SORBS3: variants seen among roughly 807,000 people sequenced by gnomAD.
SORBS3 encodes the protein sorbin and SH3 domain containing 3, also known as vinexin.
Under a neutral mutation model 98.0 loss-of-function variants are expected in SORBS3, and 69 were observed. The ratio of observed to expected loss-of-function variants is 0.70; its 90% CI spans 0.58 to 0.86. The LOEUF is 0.86. Ranked by LOEUF, SORBS3 falls within the 40% of genes least tolerant of loss-of-function variation. SORBS3 has a pLI of 0.00. For missense variants in SORBS3, 954 were observed against 908.5 expected, an observed-to-expected ratio of 1.05 and a Z score of -0.64; for synonymous variants, 394 against 355.4, an observed-to-expected ratio of 1.11 and a Z score of -1.22.
At chr8:22,555,010 G>A in intron 3 of SORBS3, 30 bp downstream of exon 3, 1 of 1,582,976 alleles carries the variant, frequency 6.3e-7, no homozygotes, top group South Asian at 1.1e-5. Context: ...TCATGCTGGA[G>A]ATGGAGGGTC....
chr8:22,567,221 C>G (rs1326733396), intron 16 of SORBS3, 46 bp downstream of exon 16: 2 of 1,325,502 alleles, frequency 1.5e-6, no homozygotes, highest in Non-Finnish European at 2.2e-6. Context: ...TGGGAGGGCG[C>G]AGGGGTTGGG....
intron 12 of SORBS3, 45 bp from the exon 13 acceptor site, chr8:22,566,300 G>A: frequency 4.4e-6 from 7 of 1,594,694 alleles, no homozygotes; most frequent in Non-Finnish European, 6.0e-6. Flanking sequence ...CCAGGGTGGG[G>A]TGCGGAGCCC....
chr8:22,555,924 A>G (rs1006096866), intron 3 of SORBS3, among the ~76,000 whole-genome samples: 35 of 152,234 alleles, frequency 2.3e-4, no homozygotes, highest in African/African-American at 7.0e-4. Flanking sequence ...CGTGCTGGAC[A>G]CTGTAAAAAC....
intron 11 of SORBS3, chr8:22,565,561 C>G: frequency 1.7e-6 from 1 of 590,746 alleles, no homozygotes; most frequent in East Asian, 3.9e-5. Context: ...CAAGTGACCC[C>G]GAGGAGCCTT....
At position 22,565,306 on chromosome 8, in the gene SORBS3, G is replaced by A. The variant is rs199665776; in HGVS notation, c.855G>A (p.Glu285=). Residue 285 remains glutamate (E), a synonymous_variant, in exon 11 of 21, where the codon GAG becomes GAA. Transcript: ENST00000240123. The stretch of plus-strand genomic sequence containing the variant: ...GAGAGCTGGCCGAGCTGAGCGCCGA[G>A]CTGGACAAGGACCTGCGGGCAATTG... The part of the protein sequence containing the change: ...LERELAELSA[E]LDKDLRAIET... The A allele has an allele frequency of 3.2e-6, 5 of 1,559,422 alleles. No homozygotes were observed. The East Asian group carries it at 1.2e-4, about 37-fold the overall frequency.
intron 1 of SORBS3, among the ~76,000 whole-genome samples, chr8:22,552,816 T>TC (rs145621413): frequency 2.6e-4 from 40 of 151,874 alleles, no homozygotes; most frequent in South Asian, 4.2e-4. Flanking sequence ...CTGCCTCAAC[T>TC]CCCCCCCGCA....
In SORBS3 at chr8:22,554,261, G is replaced by T. The variant is rs1203500268; in HGVS notation, c.-55-191G>T. The T allele has an allele frequency of 2.1e-6, 1 of 474,314 alleles. No individual in the cohort carries two copies. Among genetic ancestry groups the T allele is most frequent in the Non-Finnish European group, 3.7e-6 (1 of 271,788 alleles). 29.4% of individuals were successfully genotyped at this position (474,314 alleles called of 1,614,324 possible). On this transcript the variant is annotated intron_variant, in intron 1 of 20. Transcript: ENST00000240123. The surrounding 1 kb of genome is among the most constrained non-coding windows in gnomAD (Gnocchi z 6.5). ...AACAAGTGGTCCATTGTGCCCCTGGGAGCCGGCAGGCACGGGCAGCCTGCA... is the reference window on the plus strand; with the variant it reads ...AACAAGTGGTCCATTGTGCCCCTGGTAGCCGGCAGGCACGGGCAGCCTGCA...
chr8:22,554,570 C>T lies in SORBS3; in HGVS notation c.64C>T (p.Leu22Phe). Residue 22 changes from leucine (L) to phenylalanine (F), a missense_variant, in exon 2 of 21, where the codon CTC becomes TTC. Coordinates refer to ENST00000240123, the MANE Select transcript of SORBS3 (RefSeq NM_005775.5). This position sits in a 1 kb window ranked among gnomAD's most constrained non-coding sequence, Gnocchi z 6.5. ...LSLDDFIPGH[L>F]QSHIGSSSRG... ...CCTGGACGACTTCATCCCTGGCCAC[C>T]TCCAGTCCCACATAGGGTCTTCCTC... is the stretch of plus-strand genomic sequence containing the variant. 6.2e-7 allele frequency: 1 copy of T among 1,612,982 alleles called. No individual in the cohort carries two copies. The highest frequency in any genetic ancestry group is 8.5e-7 in the Non-Finnish European group (1 of 1,179,960).
intron 1 of SORBS3, among the ~76,000 whole-genome samples, chr8:22,553,030 C>G (rs1462857174): frequency 6.6e-6 from 1 of 152,164 alleles, no homozygotes; most frequent in African/African-American, 2.4e-5. Context: ...AGGAGCTGCC[C>G]CCAGCCTTGG....
intron 16 of SORBS3, 42 bp from the exon 17 acceptor site, chr8:22,569,106 G>A: frequency 6.3e-7 from 1 of 1,582,596 alleles, no homozygotes; most frequent in South Asian, 1.2e-5. Context: ...GTGCTATGTT[G>A]ATGCCCAGGC....
intron 8 of SORBS3, 61 bp downstream of exon 8, chr8:22,564,138 A>G: frequency 1.3e-6 from 2 of 1,540,094 alleles, no homozygotes; most frequent in East Asian, 2.3e-5. Context: ...CCAAGACCCT[A>G]TGCCACGATG....
chr8:22,571,073 G>C lies in SORBS3; in HGVS notation c.1595G>C (p.Arg532Pro). 1.9e-6 allele frequency: 3 copies of C among 1,611,670 alleles called. No individual in the cohort carries two copies. Among genetic ancestry groups the C allele is most frequent in the Non-Finnish European group, 1.7e-6 (2 of 1,179,586 alleles). The change falls in exon 18 of 21, where the codon CGC (arginine) becomes CCC (proline). Residue 532 changes from arginine (R) to proline (P), a missense_variant. Arg to Pro is a moderately radical substitution (Grantham distance 103). Transcript: ENST00000240123. Reference protein sequence around the residue: ...DDGPQLPTSPRLTAAARSARH... With the variant: ...DDGPQLPTSPPLTAAARSARH... ...GGCCCCCAGCTCCCCACGTCTCCCC[G>C]CCTGACCGCTGCCGCCCGCTCAGCC...
intron 17 of SORBS3, 74 bp downstream of exon 17, chr8:22,569,347 T>C (rs1398575841): frequency 0.034 from 24,056 of 707,688 alleles, 51 homozygotes; most frequent in South Asian, 0.081. Flanking sequence ...CTAAAAACAG[T>C]TTTTTTTTTT....
At chr8:22,565,980 G>A (rs1840406125) in intron 12 of SORBS3, 108 bp downstream of exon 12, 1 of 781,944 alleles carries the variant, frequency 1.3e-6, no homozygotes, top group Non-Finnish European at 1.7e-6. Context: ...CCCAGCCGGG[G>A]GAGGAAGGAA....
intron 5 of SORBS3, among the ~76,000 whole-genome samples, chr8:22,558,445 C>T (rs1260201451): frequency 6.6e-6 from 1 of 152,198 alleles, no homozygotes; most frequent in Non-Finnish European, 1.5e-5. Context: ...GACTGAGAAG[C>T]CATTCCTTTC....
chr8:22,561,798 C>A, intron 6 of SORBS3, 67 bp from the exon 7 acceptor site: 1 of 1,394,200 alleles, frequency 7.2e-7, no homozygotes, highest in Admixed American at 1.7e-5. Flanking sequence ...CACCCAGGCA[C>A]CCTCAGCCCC....
chr8:22,553,533 C>T (rs762084043), intron 1 of SORBS3, among the ~76,000 whole-genome samples: 3 of 152,160 alleles, frequency 2.0e-5, no homozygotes, highest in Non-Finnish European at 4.4e-5. Flanking sequence ...CCCCTCTTGC[C>T]CCTCCATTCC....
chr8:22,563,852 C>T, intron 7 of SORBS3, 135 bp from the exon 8 acceptor site: 1 of 676,020 alleles, frequency 1.5e-6, no homozygotes, highest in Non-Finnish European at 2.6e-6. Flanking sequence ...ATCTTGCTTC[C>T]AGAGTAACGG....
rs769396928 is a variant in SORBS3, at chr8:22,552,008, T to C, written c.-70T>C. 39 of 984,594 alleles carry C rather than the reference T, an allele frequency of 4.0e-5. No homozygotes were observed. The highest frequency in any genetic ancestry group is 4.5e-5 in the Non-Finnish European group (37 of 829,762). The allele number at this position is 984,594 out of a possible 1,614,324, so 61.0% of individuals were successfully genotyped here. On this transcript the variant is annotated 5_prime_UTR_variant, in exon 1 of 21. Coordinates refer to ENST00000240123, the MANE Select transcript of SORBS3 (RefSeq NM_005775.5). ...CCGGGCGGCCTCGGGCCCAGCCACCTGCTCGCCGGGGAAGGTAGGTCCGGG... is the reference window on the plus strand; with the variant it reads ...CCGGGCGGCCTCGGGCCCAGCCACCCGCTCGCCGGGGAAGGTAGGTCCGGG...
Sources: allele counts gnomAD v4.1 joint callset (sites outside exome capture counted in the v4.1 genomes callset), GRCh38; gene constraint gnomAD v4.1.1; non-coding constraint Gnocchi (gnomAD v3.1); transcripts MANE v1.5; gene names NCBI Gene and HGNC (gene_info 2026-07-23, HGNC 2026-07-21).